Variants in SUCO observed in about 807,000 individuals in gnomAD.
SUCO encodes SUN domain containing ossification factor, also known as SUN domain-containing ossification factor.
A neutral mutation model predicts 148.1 loss-of-function variants in SUCO; 57 were observed. The ratio of observed to expected loss-of-function variants is 0.38; its 90% CI spans 0.31 to 0.48. The LOEUF is 0.48. Among genes scored for constraint, SUCO ranks in the 20% least tolerant of loss-of-function variants. The pLI is 0.96. For synonymous variants in SUCO, 470 were observed against 502.7 expected, an observed-to-expected ratio of 0.93 and a Z score of 0.87; for missense variants, 1,331 against 1,468.2, an observed-to-expected ratio of 0.91 and a Z score of 1.53.
chr1:172,552,684 A>G (rs1231185849), intron 2 of SUCO: 3 of 947,540 alleles, frequency 3.2e-6, no homozygotes, highest in East Asian at 2.3e-4. Context: ...TTTCACCCAC[A>G]CAGTATATAA....
At chr1:172,597,421 A>T (rs536684359) in intron 19 of SUCO, among the ~76,000 whole-genome samples, 129 of 152,342 alleles carry the variant, frequency 8.5e-4, no homozygotes, top group African/African-American at 3.0e-3. Flanking sequence ...GAACCTTCCA[A>T]GAAAGTTTTC....
chr1:172,593,705 A>G (rs945673578), intron 19 of SUCO, among the ~76,000 whole-genome samples: 5 of 152,172 alleles, frequency 3.3e-5, no homozygotes, highest in African/African-American at 7.2e-5. Flanking sequence ...TTTTGCATCA[A>G]TGTTCATCAG....
chr1:172,595,461 G>T (rs1305304419), intron 19 of SUCO, among the ~76,000 whole-genome samples: 1 of 152,158 alleles, frequency 6.6e-6, no homozygotes, highest in Non-Finnish European at 1.5e-5. Context: ...AGGAGCTCTT[G>T]TAAGGCAGGC....
At chr1:172,592,109 C>T (rs190636235) in intron 19 of SUCO, among the ~76,000 whole-genome samples, 1 of 152,250 alleles carries the variant, frequency 6.6e-6, no homozygotes, top group Admixed American at 6.5e-5. Flanking sequence ...TATCCTTTCC[C>T]TACTTTTTGA....
intron 10 of SUCO, among the ~76,000 whole-genome samples, chr1:172,574,231 G>A (rs926110471): frequency 2.0e-5 from 3 of 151,980 alleles, no homozygotes; most frequent in Non-Finnish European, 4.4e-5. Flanking sequence ...CTCTTATAAT[G>A]TGGGGAAACA....
intron 23 of SUCO, 196 bp from the exon 24 acceptor site, chr1:172,609,620 C>G: frequency 1.0e-6 from 1 of 984,864 alleles, no homozygotes; most frequent in East Asian, 1.1e-4. Flanking sequence ...AGTTTTGATT[C>G]AGTAGTATTT....
intron 9 of SUCO, 122 bp downstream of exon 9, chr1:172,570,852 G>T: frequency 1.5e-6 from 1 of 648,018 alleles, no homozygotes; most frequent in South Asian, 2.4e-5. Context: ...GATTAGTGCT[G>T]ATACTATGCA....
chr1:172,602,379 C>T, intron 21 of SUCO, 161 bp downstream of exon 21: 1 of 979,534 alleles, frequency 1.0e-6, no homozygotes, highest in Non-Finnish European at 1.2e-6. Flanking sequence ...TAAGATGGTC[C>T]TATGCCTAAC....
rs147988148 is a variant in SUCO, at chr1:172,578,387, A to G, written c.1430A>G (p.Tyr477Cys). Residue 477 changes from tyrosine (Y) to cysteine (C), a missense_variant and splice_region_variant, in exon 14 of 24, where the codon TAT becomes TGT. By Grantham distance (194) the Tyr-to-Cys change is radical. Around this residue, in one of 3 missense-constraint regions of SUCO, gnomAD observed 992 missense variants for 1,093.5 expected, o/e 0.91. Coordinates refer to ENST00000263688, the MANE Select transcript of SUCO (RefSeq NM_014283.5). ...CGCCAGGAACTATTTGATGAGGACT[A>G]TGGTAAGTGACATCAAACAGATGAC... Reference protein sequence around the residue: ...SERQELFDEDYDYPLDYNTGE... With the variant: ...SERQELFDEDCDYPLDYNTGE... The G allele has an allele frequency of 7.5e-5, 121 of 1,609,970 alleles. No homozygotes were observed. The highest frequency in any genetic ancestry group is 9.7e-5 in the Non-Finnish European group (114 of 1,176,688).
Position 172,556,498 on chromosome 1 carries a change from G to C in SUCO, c.443+475G>C, listed in dbSNP as rs186686260. ...ATCCTTAATTTAGAAAATTTGTTAT[G>C]TACTTCTCCTAGCTTCTTCCTGCAG... On this transcript the variant is annotated intron_variant, in intron 4 of 23. Coordinates refer to ENST00000263688, the MANE Select transcript of SUCO (RefSeq NM_014283.5). 130 of 526,758 alleles carry C rather than the reference G, an allele frequency of 2.5e-4. No individual in the cohort carries two copies. The African/African-American group carries it at 2.6e-3, about 10-fold the overall frequency. 32.6% of individuals were successfully genotyped at this position (526,758 alleles called of 1,614,324 possible).
chr1:172,562,144 A>T (rs1411760287), intron 6 of SUCO, among the ~76,000 whole-genome samples: 2 of 152,174 alleles, frequency 1.3e-5, no homozygotes. Flanking sequence ...CTAAGACTAA[A>T]CATTTTAGCC....
At chr1:172,534,173 G>A (rs144061473) in intron 1 of SUCO, among the ~76,000 whole-genome samples, 1 of 152,242 alleles carries the variant, frequency 6.6e-6, no homozygotes, top group East Asian at 1.9e-4. Flanking sequence ...TTTCAAGGCG[G>A]GAAGAGTGCT....
Position 172,602,172 on chromosome 1 carries a change from T to C in SUCO, c.3127T>C (p.Tyr1043His). 1 of 1,613,628 alleles carries C rather than the reference T, an allele frequency of 6.2e-7. No homozygotes were observed. Among genetic ancestry groups the C allele is most frequent in the Non-Finnish European group, 8.5e-7 (1 of 1,179,778 alleles). The change falls in exon 21 of 24, where the codon TAT becomes CAT. Residue 1043 changes from tyrosine (Y) to histidine (H), a missense_variant. By Grantham distance (83) the Tyr-to-His change is moderately conservative. This residue lies in a region of SUCO where 334 missense variants were observed against 352.3 expected (regional missense o/e 0.95). Transcript: ENST00000263688. The part of the protein sequence containing the change: ...CRNTSQFDGD[Y>H]ISKLPKSNQY... The stretch of plus-strand genomic sequence containing the variant: ...AAATACTTCTCAATTTGATGGAGAT[T>C]ATATTTCAAAACTTCCTAAAAGTAA...
intron 19 of SUCO, among the ~76,000 whole-genome samples, chr1:172,599,138 G>T (rs1657323956): frequency 6.6e-6 from 1 of 151,996 alleles, no homozygotes; most frequent in Non-Finnish European, 1.5e-5. Flanking sequence ...GACCATCCTG[G>T]CTAACACGGT....
In SUCO at chr1:172,610,100, A is replaced by G. The variant is rs1352136946; in HGVS notation, c.3606A>G (p.Leu1202=). ...SQKTKTEKRA[L]KRRRSKVQDQ... ...AGACAAAAACTGAGAAGAGGGCTTT[A>G]AAACGAAGACGATCTAAAGTCCAAG... The change falls in exon 24 of 24, where the codon TTA becomes TTG. Residue 1202 remains leucine, a synonymous_variant. Transcript: ENST00000263688. The G allele has an allele frequency of 1.2e-6, 2 of 1,613,856 alleles. No individual in the cohort carries two copies.
At chr1:172,574,403 G>T (rs1324185197) in intron 10 of SUCO, among the ~76,000 whole-genome samples, 2 of 151,824 alleles carry the variant, frequency 1.3e-5, no homozygotes, top group African/African-American at 4.8e-5. Context: ...TACATGTGTA[G>T]GTGCTTTATG....
upstream of SUCO, chr1:172,532,850 T>C (rs1039974111): frequency 1.3e-6 from 2 of 1,537,652 alleles, no homozygotes; most frequent in African/African-American, 2.8e-5. Context: ...CTCCCGGCTT[T>C]CTGAACGCAA....
At position 172,592,885 on chromosome 1, in the gene SUCO, G is replaced by A. The variant is rs558902471; in HGVS notation, c.2913+1814G>A. On this transcript the variant is annotated intron_variant, in intron 19 of 23. Coordinates refer to ENST00000263688, the MANE Select transcript of SUCO (RefSeq NM_014283.5). ...TCTTGGGCAGTATGGCCATTTTCACGATATTGGTTCTTCCTACCCATGAAC... is the reference window on the plus strand; with the variant it reads ...TCTTGGGCAGTATGGCCATTTTCACAATATTGGTTCTTCCTACCCATGAAC... Among the ~76,000 whole-genome samples, 16 of 152,258 alleles carry A rather than the reference G, an allele frequency of 1.1e-4. No homozygotes were observed. The East Asian group carries it at 1.4e-3, about 13-fold the overall frequency.
chr1:172,570,994 G>A (rs1011467942), intron 9 of SUCO, among the ~76,000 whole-genome samples: 30 of 152,214 alleles, frequency 2.0e-4, no homozygotes, highest in Non-Finnish European at 3.1e-4. Context: ...GAGTGATGAT[G>A]CGTAACTGCA....
Sources: allele counts gnomAD v4.1 joint callset (sites outside exome capture counted in the v4.1 genomes callset), GRCh38; gene constraint gnomAD v4.1.1; regional missense constraint gnomAD v4.1.1; transcripts MANE v1.5; gene names NCBI Gene and HGNC (gene_info 2026-07-23, HGNC 2026-07-21).